MYOCD: variants seen among roughly 807,000 people sequenced by gnomAD.
The protein encoded by MYOCD is myocardin.
In MYOCD, 32 loss-of-function variants were observed where a neutral mutation model predicts 96.1. The observed-to-expected ratio is 0.33, with a 90% confidence interval of 0.25 to 0.45. MYOCD has a LOEUF of 0.45. Among genes scored for constraint, MYOCD ranks in the 20% least tolerant of loss-of-function variants. The probability of loss-of-function intolerance (pLI) is 1.00; values close to 1 mark genes in which losing one functional copy is unlikely to be tolerated. For missense variants in MYOCD, 1,133 were observed against 1,200.6 expected (o/e 0.94, Z 0.83); for synonymous variants, 469 against 469.0 (o/e 1.00, Z 0.00).
intron 5 of MYOCD, among the ~76,000 whole-genome samples, chr17:12,728,519 G>C (rs1394048266): frequency 6.6e-6 from 1 of 152,012 alleles, no homozygotes; most frequent in East Asian, 1.9e-4. Context: ...CGCTCTTGTT[G>C]CCCAGGCTGG....
chr17:12,720,046 A>G (rs1004600472), intron 4 of MYOCD, among the ~76,000 whole-genome samples: 2 of 152,090 alleles, frequency 1.3e-5, no homozygotes, highest in Non-Finnish European at 2.9e-5. Flanking sequence ...CCTGGAAGCC[A>G]GGAATATTGA....
intron 3 of MYOCD, among the ~76,000 whole-genome samples, chr17:12,716,035 T>C (rs574138303): frequency 2.0e-3 from 307 of 152,358 alleles, no homozygotes; most frequent in South Asian, 3.9e-3. Context: ...TCCCTTCTTT[T>C]TTTGTAACAT....
At position 12,704,473 on chromosome 17, in the gene MYOCD, G is replaced by T. The variant is rs184528216; in HGVS notation, c.56-655G>T. On this transcript the variant is annotated intron_variant, in intron 1 of 13. Coordinates refer to ENST00000425538, the MANE Select transcript of MYOCD (RefSeq NM_001146312.3). ...ATTTATTTATAATGTATAATTTTGAGAATTTTACAGTGTTTTAATTTTTCT... is the reference window on the plus strand; with the variant it reads ...ATTTATTTATAATGTATAATTTTGATAATTTTACAGTGTTTTAATTTTTCT... Among the ~76,000 whole-genome samples, 129 of 152,198 alleles carry T rather than the reference G, an allele frequency of 8.5e-4. 1 individual carries two copies. The highest frequency in any genetic ancestry group is 3.0e-3 in the African/African-American group (126 of 41,524).
chr17:12,665,997 C>A lies in MYOCD; in HGVS notation c.-192C>A, dbSNP rs994494080. 1 of 558,940 alleles carries A rather than the reference C, an allele frequency of 1.8e-6. No individual in the cohort carries two copies. The highest frequency in any genetic ancestry group is 2.4e-5 in the South Asian group (1 of 42,412). 34.6% of individuals were successfully genotyped at this position (558,940 alleles called of 1,614,324 possible). ...CCCGCCGGCTAAGAGTTAATTAGCC[C>A]CGCACGGCGAGGGGGGAGGCGCCAG... On this transcript the variant is annotated 5_prime_UTR_variant, in exon 1 of 14. Transcript: ENST00000425538. This position sits in a 1 kb window ranked among gnomAD's most constrained non-coding sequence, Gnocchi z 4.2.
intron 11 of MYOCD, 66 bp from the exon 12 acceptor site, chr17:12,758,019 A>C: frequency 7.7e-7 from 1 of 1,291,234 alleles, no homozygotes; most frequent in Non-Finnish European, 1.1e-6. Flanking sequence ...TGTTGTTTCT[A>C]GAACAGAAAC....
intron 1 of MYOCD, among the ~76,000 whole-genome samples, chr17:12,682,652 T>C (rs1337943398): frequency 6.6e-6 from 1 of 152,220 alleles, no homozygotes; most frequent in Non-Finnish European, 1.5e-5. Context: ...ATGGAGAGGA[T>C]GCATCATAAA....
Position 12,745,851 on chromosome 17 carries a change from C to T in MYOCD, c.972-68C>T, listed in dbSNP as rs933061956. The T allele has an allele frequency of 4.7e-5, 73 of 1,538,202 alleles. 1 individual carries two copies. The highest frequency in any genetic ancestry group is 2.2e-4 in the South Asian group (19 of 86,128). On this transcript the variant is annotated intron_variant, in intron 8 of 13. Transcript: ENST00000425538. ...CCTTGCAGGCAATCACTTTGGGATCCGATCTAAATGCAAGTTATCCCACCA... is the reference window on the plus strand; with the variant it reads ...CCTTGCAGGCAATCACTTTGGGATCTGATCTAAATGCAAGTTATCCCACCA...
chr17:12,736,423 C>T (rs564566515), intron 6 of MYOCD, 87 bp downstream of exon 6: 8 of 1,391,246 alleles, frequency 5.8e-6, no homozygotes, highest in Middle Eastern at 4.7e-4. Context: ...CTGTTAACAG[C>T]TGGTTTTGCT....
At chr17:12,756,279 C>T (rs1038555630) in intron 10 of MYOCD, 135 bp from the exon 11 acceptor site, 2 of 1,028,592 alleles carry the variant, frequency 1.9e-6, no homozygotes, top group Non-Finnish European at 2.9e-6. Flanking sequence ...TAGGCAAGTT[C>T]ATCTGGTAAT....
Position 12,753,112 on chromosome 17 carries a change from T to G in MYOCD, c.1824T>G (p.Pro608=). Reference sequence around the variant, plus strand: ...CTTGTGAAGCTGCTCAACTCCAGCCTCTTGGAAATGCTCATTGTGTGGAGT... The same window carrying G: ...CTTGTGAAGCTGCTCAACTCCAGCCGCTTGGAAATGCTCATTGTGTGGAGT... ...PPACEAAQLQ[P]LGNAHCVESS... is the part of the protein sequence containing the mutation. Residue 608 remains proline, a synonymous_variant, in exon 10 of 14, where the codon CCT becomes CCG. Coordinates refer to ENST00000425538, the MANE Select transcript of MYOCD (RefSeq NM_001146312.3). The G allele has an allele frequency of 6.2e-7, 1 of 1,614,194 alleles. No homozygotes were observed. The highest frequency in any genetic ancestry group is 8.5e-7 in the Non-Finnish European group (1 of 1,180,038).
chr17:12,696,956 C>T (rs1315316681), intron 1 of MYOCD, among the ~76,000 whole-genome samples: 8 of 152,076 alleles, frequency 5.3e-5, no homozygotes, highest in East Asian at 1.9e-4. Context: ...GAAATCATGA[C>T]GCTCTTGGAT....
In MYOCD at chr17:12,748,496, A is replaced by C. The variant is rs570793710; in HGVS notation, c.1125+2424A>C. Among the ~76,000 whole-genome samples, 17 of 152,294 alleles carry C rather than the reference A, an allele frequency of 1.1e-4. No individual in the cohort carries two copies. The South Asian group carries it at 3.3e-3, about 30-fold the overall frequency. ...GTATATGAGGTTCATTAGACTTTCTATCTACTTTTGTGTATGTGTGAATTT... is the reference window on the plus strand; with the variant it reads ...GTATATGAGGTTCATTAGACTTTCTCTCTACTTTTGTGTATGTGTGAATTT... On this transcript the variant is annotated intron_variant, in intron 9 of 13. Coordinates refer to ENST00000425538, the MANE Select transcript of MYOCD (RefSeq NM_001146312.3).
chr17:12,707,200 C>G (rs925492714), intron 2 of MYOCD, among the ~76,000 whole-genome samples: 1 of 152,206 alleles, frequency 6.6e-6, no homozygotes, highest in South Asian at 2.1e-4. Flanking sequence ...TTTCCTCTGG[C>G]ACCTAAGGAA....
intron 2 of MYOCD, among the ~76,000 whole-genome samples, chr17:12,713,172 T>C (rs2031532308): frequency 6.6e-6 from 1 of 152,234 alleles, no homozygotes; most frequent in Admixed American, 6.5e-5. Flanking sequence ...GGAGATAGTT[T>C]CTTCCACCCT....
chr17:12,752,427 G>T lies in MYOCD; in HGVS notation c.1139G>T (p.Arg380Ile). Reference protein sequence around the residue: ...NLDDLKVSELRQQLRIRGLPV... With the variant: ...NLDDLKVSELIQQLRIRGLPV... The stretch of plus-strand genomic sequence containing the variant: ...TGATTTCTTTAGGTCTCTGAATTAA[G>T]ACAACAGCTTCGAATTCGGGGCTTG... The change falls in exon 10 of 14, where the codon AGA (arginine) becomes ATA (isoleucine). Residue 380 changes from arginine to isoleucine, a missense_variant. Coordinates refer to ENST00000425538, the MANE Select transcript of MYOCD (RefSeq NM_001146312.3). 6.2e-7 allele frequency: 1 copy of T among 1,610,936 alleles called. No individual in the cohort carries two copies. The highest frequency in any genetic ancestry group is 1.1e-5 in the South Asian group (1 of 90,704).
intron 6 of MYOCD, among the ~76,000 whole-genome samples, chr17:12,738,846 C>T (rs961481010): frequency 3.3e-5 from 5 of 151,874 alleles, no homozygotes; most frequent in African/African-American, 1.2e-4. Context: ...GACCAGATGT[C>T]CCAGTTTGCC....
intron 9 of MYOCD, among the ~76,000 whole-genome samples, chr17:12,749,453 C>T (rs898013859): frequency 6.6e-6 from 1 of 151,586 alleles, no homozygotes; most frequent in African/African-American, 2.4e-5. Context: ...TGCTTGAACC[C>T]AGGAGACGGA....
At chr17:12,745,504 T>C (rs1054797503) in intron 8 of MYOCD, among the ~76,000 whole-genome samples, 1 of 152,154 alleles carries the variant, frequency 6.6e-6, no homozygotes, top group Admixed American at 6.5e-5. Context: ...CCACCGTGCC[T>C]GGCCAGGTCA....
At chr17:12,691,057 G>A (rs933454583) in intron 1 of MYOCD, among the ~76,000 whole-genome samples, 7 of 152,146 alleles carry the variant, frequency 4.6e-5, no homozygotes, top group Middle Eastern at 3.4e-3. Context: ...TTGCACATTC[G>A]GTAATGACCT....
Sources: allele counts gnomAD v4.1 joint callset (sites outside exome capture counted in the v4.1 genomes callset), GRCh38; gene constraint gnomAD v4.1.1; non-coding constraint Gnocchi (gnomAD v3.1); transcripts MANE v1.5; gene names NCBI Gene and HGNC (gene_info 2026-07-23, HGNC 2026-07-21).